Variants in FAM13C observed in about 807,000 individuals in gnomAD.
FAM13C encodes the protein family with sequence similarity 13 member C.
Under a neutral mutation model 73.2 loss-of-function variants are expected in FAM13C, and 37 were observed. That is an observed-to-expected ratio of 0.51 (90% CI 0.39 to 0.67). The LOEUF (loss-of-function observed/expected upper bound fraction) is 0.67, where lower values mean the gene tolerates loss of function less well. Among genes scored for constraint, FAM13C ranks in the 30% least tolerant of loss-of-function variants. The pLI is 0.00. For missense variants in FAM13C, 589 were observed against 715.6 expected, an observed-to-expected ratio of 0.82 and a Z score of 2.02; for synonymous variants, 246 against 260.9, an observed-to-expected ratio of 0.94 and a Z score of 0.55.
intron 4 of FAM13C, among the ~76,000 whole-genome samples, chr10:59,312,919 C>T (rs1849097580): frequency 6.6e-6 from 1 of 152,180 alleles, no homozygotes; most frequent in African/African-American, 2.4e-5. Context: ...AGGTTCTTCC[C>T]ATGCCCCCAT....
At chr10:59,348,913 C>T (rs558726705) in intron 3 of FAM13C, among the ~76,000 whole-genome samples, 84 of 152,270 alleles carry the variant, frequency 5.5e-4, no homozygotes, top group African/African-American at 1.9e-3. Flanking sequence ...GGATTACAGG[C>T]GTGAGCCACA....
intron 5 of FAM13C, among the ~76,000 whole-genome samples, chr10:59,292,039 T>C (rs1488312942): frequency 6.6e-5 from 10 of 152,096 alleles, no homozygotes; most frequent in Admixed American, 2.6e-4. Context: ...CCGCCCACCT[T>C]GGCCTCCCAA....
intron 3 of FAM13C, among the ~76,000 whole-genome samples, chr10:59,329,697 T>C (rs73299241): frequency 0.061 from 9,324 of 152,208 alleles, 822 homozygotes; most frequent in African/African-American, 0.19. Flanking sequence ...ATTACCCAGT[T>C]TACTGCTTTG....
At chr10:59,324,925 G>A (rs886310071) in intron 3 of FAM13C, among the ~76,000 whole-genome samples, 2 of 152,016 alleles carry the variant, frequency 1.3e-5, no homozygotes, top group Non-Finnish European at 2.9e-5. Flanking sequence ...AACTAATCTG[G>A]ATTCAACACA....
In FAM13C at chr10:59,302,810, G is replaced by A. The variant is rs1847755580; in HGVS notation, c.498C>T (p.Asp166=). ...SPKDAFETRQ[D]LNEEEAAQVH... The stretch of plus-strand genomic sequence containing the variant: ...TAATGATTGCACGTACCTCATTTAA[G>A]TCCTGCCGAGTTTCAAAAGCATCCT... The change falls in exon 5 of 14, where the codon GAC becomes GAT. Residue 166 remains aspartate, a synonymous_variant. Transcript: ENST00000618804. 6.2e-7 allele frequency: 1 copy of A among 1,614,008 alleles called. No individual in the cohort carries two copies.
chr10:59,307,138 A>T lies in FAM13C; in HGVS notation c.444-4274T>A, dbSNP rs567270128. On this transcript the variant is annotated intron_variant, in intron 4 of 13. Coordinates refer to ENST00000618804, the MANE Select transcript of FAM13C (RefSeq NM_198215.4). ...GCAATTCATGAGTTCAGATTTAGAT[A>T]TTTGAAGCTTGAGGTGAGACTGAAA... Among the ~76,000 whole-genome samples, 4 of 152,212 alleles carry T rather than the reference A, an allele frequency of 2.6e-5. No individual in the cohort carries two copies. The South Asian group carries it at 8.3e-4, about 32-fold the overall frequency.
chr10:59,330,935 C>T (rs1367787970), intron 3 of FAM13C, among the ~76,000 whole-genome samples: 1 of 152,224 alleles, frequency 6.6e-6, no homozygotes, highest in Non-Finnish European at 1.5e-5. Context: ...TGATCCCTCA[C>T]AGCTAATGAG....
chr10:59,278,086 A>C (rs1419462213), intron 6 of FAM13C, among the ~76,000 whole-genome samples: 1 of 152,214 alleles, frequency 6.6e-6, no homozygotes, highest in Non-Finnish European at 1.5e-5. Context: ...AGACAAGAGA[A>C]GAGAGCTTGT....
chr10:59,252,738 T>C lies in FAM13C; in HGVS notation c.1532+61A>G. On this transcript the variant is annotated intron_variant, in intron 12 of 13. Coordinates refer to ENST00000618804, the MANE Select transcript of FAM13C (RefSeq NM_198215.4). Reference sequence around the variant, plus strand: ...ATTTTCAAAGGCCAGCTCTACTTCATATACTGGTATCAGACCAGAAGGAGT... The same window carrying C: ...ATTTTCAAAGGCCAGCTCTACTTCACATACTGGTATCAGACCAGAAGGAGT... 2.0e-6 allele frequency: 3 copies of C among 1,535,860 alleles called. No individual in the cohort carries two copies. The Admixed American group carries it at 5.0e-5, about 26-fold the overall frequency.
Position 59,270,111 on chromosome 10 carries a change from T to G in FAM13C, c.593-2A>C, listed in dbSNP as rs1843542725. 3.7e-6 allele frequency: 6 copies of G among 1,611,396 alleles called. No individual in the cohort carries two copies. Among genetic ancestry groups the G allele is most frequent in the Non-Finnish European group, 5.1e-6 (6 of 1,178,764 alleles). ...CATCTTTGTGGACTGGTGAGGGGTC[T>G]GGGCAAATGAGACAAATCATCAAGA... is the stretch of plus-strand genomic sequence containing the variant. On this transcript the variant is annotated splice_acceptor_variant, in intron 6 of 13. Coordinates refer to ENST00000618804, the MANE Select transcript of FAM13C (RefSeq NM_198215.4). LOFTEE classifies it high-confidence loss of function.
At chr10:59,266,490 C>T (rs7916800) in intron 8 of FAM13C, among the ~76,000 whole-genome samples, 35,044 of 151,972 alleles carry the variant, frequency 0.23, 5,430 homozygotes, top group African/African-American at 0.44. Flanking sequence ...TTAAAGCCCA[C>T]TGACATGTCA....
intron 5 of FAM13C, among the ~76,000 whole-genome samples, chr10:59,295,665 A>G (rs1337450544): frequency 6.6e-6 from 1 of 152,214 alleles, no homozygotes; most frequent in Non-Finnish European, 1.5e-5. Context: ...CTGTAAGCTA[A>G]TAAATAAATG....
intron 6 of FAM13C, 26 bp downstream of exon 6, chr10:59,283,337 G>C: frequency 1.2e-6 from 2 of 1,611,970 alleles, no homozygotes; most frequent in Non-Finnish European, 1.7e-6. Context: ...GTACAATTTG[G>C]GACAACCCCC....
chr10:59,303,281 A>G lies in FAM13C; in HGVS notation c.444-417T>C, dbSNP rs1165348905. On this transcript the variant is annotated intron_variant, in intron 4 of 13. Transcript: ENST00000618804. ...GCACCTCCCCAAGGAGGCCTCCCTAACTAGACAAGACATGCCCTCACCCTC... is the reference window on the plus strand; with the variant it reads ...GCACCTCCCCAAGGAGGCCTCCCTAGCTAGACAAGACATGCCCTCACCCTC... Among the ~76,000 whole-genome samples the G allele has an allele frequency of 2.0e-5, 3 of 152,292 alleles. No homozygotes were observed. In the East Asian group the frequency reaches 5.8e-4, roughly 29 times the overall value.
Position 59,271,975 on chromosome 10 carries a change from T to A in FAM13C, c.593-1866A>T, listed in dbSNP as rs542230261. 2.0e-5 allele frequency among the ~76,000 whole-genome samples: 3 copies of A among 152,254 alleles called. No homozygotes were observed. In the South Asian group the frequency reaches 6.2e-4, roughly 32 times the overall value. On this transcript the variant is annotated intron_variant, in intron 6 of 13. Coordinates refer to ENST00000618804, the MANE Select transcript of FAM13C (RefSeq NM_198215.4). ...TCTCTTACTGGTTGCTGTTTTATAA[T>A]GCCAAAATGGAAATACTTGGGATCC...
chr10:59,283,264 C>T (rs1295691334), intron 6 of FAM13C, 99 bp downstream of exon 6: 20 of 1,263,950 alleles, frequency 1.6e-5, no homozygotes, highest in African/African-American at 2.9e-5. Context: ...TTGCCCCAGG[C>T]ACTGTTTTCC....
chr10:59,274,257 T>C (rs1029706587), intron 6 of FAM13C, among the ~76,000 whole-genome samples: 2 of 152,140 alleles, frequency 1.3e-5, no homozygotes, highest in Admixed American at 6.6e-5. Flanking sequence ...TATGTCACAT[T>C]TGAGTTCCTG....
chr10:59,279,914 G>A (rs1844745229), intron 6 of FAM13C, among the ~76,000 whole-genome samples: 1 of 152,126 alleles, frequency 6.6e-6, no homozygotes, highest in Admixed American at 6.6e-5. Context: ...TGCCAGCCTG[G>A]TCAACTTCTG....
At chr10:59,263,787 A>G in intron 9 of FAM13C, 1 of 355,244 alleles carries the variant, frequency 2.8e-6, no homozygotes, top group Non-Finnish European at 5.4e-6. Flanking sequence ...CTAACATCCA[A>G]CAATCCAATA....
Sources: gnomAD v4.1 joint callset for allele counts (sites outside exome capture counted in the v4.1 genomes callset) on GRCh38, gnomAD v4.1.1 for gene constraint, MANE v1.5 for transcripts, NCBI Gene and HGNC (gene_info 2026-07-23, HGNC 2026-07-21) for gene names.